The following ACOT7 variants were observed in gnomAD, a reference collection of about 807,000 sequenced individuals.
The protein encoded by ACOT7 is acyl-CoA thioesterase 7.
In ACOT7, 12 loss-of-function variants were observed where a neutral mutation model predicts 40.2. That is an observed-to-expected ratio of 0.30 (90% CI 0.19 to 0.48). The LOEUF (loss-of-function observed/expected upper bound fraction) is 0.48, where lower values mean the gene tolerates loss of function less well. ACOT7 is among the 20% of genes least tolerant of loss of function. The pLI is 0.99. For missense variants in ACOT7, 395 were observed against 530.8 expected, an observed-to-expected ratio of 0.74 and a Z score of 2.51; for synonymous variants, 228 against 219.5, an observed-to-expected ratio of 1.04 and a Z score of -0.34.
At chr1:6,328,866 G>T (rs1221611498) in intron 4 of ACOT7, among the ~76,000 whole-genome samples, 1 of 152,114 alleles carries the variant, frequency 6.6e-6, no homozygotes, top group Non-Finnish European at 1.5e-5. Context: ...GGGCCCTCGG[G>T]GCCTGTGTGC....
Position 6,379,471 on chromosome 1 carries a change from T to C in ACOT7, c.143+13786A>G, listed in dbSNP as rs1424172729. Among the ~76,000 whole-genome samples, 3 of 151,718 alleles carry C rather than the reference T, an allele frequency of 2.0e-5. No homozygotes were observed. In the East Asian group the frequency reaches 5.8e-4, roughly 29 times the overall value. On this transcript the variant is annotated intron_variant, in intron 1 of 8. Coordinates refer to ENST00000361521, the MANE Select transcript of ACOT7 (RefSeq NM_007274.4). ...AGAGCTAAAGCTATGTAACTTTTTT[T>C]TTTTGAGACAGGGTCTCACTCCGTC...
chr1:6,333,096 C>T (rs920671218), intron 4 of ACOT7, among the ~76,000 whole-genome samples: 2 of 152,202 alleles, frequency 1.3e-5, no homozygotes, highest in East Asian at 3.8e-4. Context: ...GTCACTATCA[C>T]GATCCTGTCA....
At position 6,281,123 on chromosome 1, in the gene ACOT7, C is replaced by T. The variant is rs761328381; in HGVS notation, c.993G>A (p.Ser331=). The change falls in exon 8 of 9, where the codon TCG becomes TCA. Residue 331 remains serine (S), a synonymous_variant. Coordinates refer to ENST00000361521, the MANE Select transcript of ACOT7 (RefSeq NM_007274.4). ...TYVSLSQEGR[S]LPVPQLVPET... is the part of the protein sequence containing the mutation. ...TCACCACCAGCTGGGGCACAGGCAG[C>T]GACCTGCCTTCCTGGCTCAGCGACA... 2.9e-5 allele frequency: 47 copies of T among 1,613,534 alleles called. No individual in the cohort carries two copies. In the Admixed American group the frequency reaches 4.8e-4, roughly 17 times the overall value.
chr1:6,267,615 C>T (rs1638890927), intron 8 of ACOT7, among the ~76,000 whole-genome samples: 1 of 152,242 alleles, frequency 6.6e-6, no homozygotes, highest in African/African-American at 2.4e-5. Flanking sequence ...ACAATGCACA[C>T]TGGGATGAAG....
intron 1 of ACOT7, among the ~76,000 whole-genome samples, chr1:6,363,970 G>T (rs1641947026): frequency 1.3e-5 from 2 of 152,188 alleles, no homozygotes; most frequent in South Asian, 4.1e-4. Flanking sequence ...CTACTCAGGG[G>T]GCTGAGGTGG....
intron 4 of ACOT7, 133 bp from the exon 5 acceptor site, chr1:6,327,546 T>C (rs959845918): frequency 4.3e-6 from 3 of 699,012 alleles, no homozygotes; most frequent in South Asian, 1.8e-5. Flanking sequence ...TGTGTTTTAA[T>C]ATAAGTAATA....
At chr1:6,372,981 A>G (rs757938522) in intron 1 of ACOT7, among the ~76,000 whole-genome samples, 4 of 152,128 alleles carry the variant, frequency 2.6e-5, no homozygotes, top group Non-Finnish European at 5.9e-5. Flanking sequence ...AAAGGGAGAG[A>G]GATGGGGAAA....
chr1:6,379,812 G>C (rs1239703514), intron 1 of ACOT7, among the ~76,000 whole-genome samples: 1 of 151,554 alleles, frequency 6.6e-6, no homozygotes, highest in African/African-American at 2.4e-5. Flanking sequence ...TATAATCCCA[G>C]CAATTTGAGA....
chr1:6,296,609 G>C (rs966561760), intron 6 of ACOT7, among the ~76,000 whole-genome samples: 1 of 152,106 alleles, frequency 6.6e-6, no homozygotes, highest in Non-Finnish European at 1.5e-5. Context: ...ATTTTTAGTA[G>C]AGACGGGGTT....
rs556845748 is a variant in ACOT7 at position 6,295,908 on chromosome 1, T to C, written c.713-928A>G. On this transcript the variant is annotated intron_variant, in intron 6 of 8. Transcript: ENST00000361521. ...AAAAAAAATCAACAACTTGTACACTTTATTTTTGTTTTTGAGACAGGGTCT... is the reference window on the plus strand; with the variant it reads ...AAAAAAAATCAACAACTTGTACACTCTATTTTTGTTTTTGAGACAGGGTCT... Among the ~76,000 whole-genome samples, 23 of 152,284 alleles carry C rather than the reference T, an allele frequency of 1.5e-4. No homozygotes were observed. In the South Asian group the frequency reaches 4.6e-3, roughly 30 times the overall value.
intron 6 of ACOT7, among the ~76,000 whole-genome samples, chr1:6,316,109 T>C (rs576114767): frequency 2.6e-5 from 4 of 152,264 alleles, no homozygotes; most frequent in African/African-American, 9.6e-5. Context: ...GTCTAACATG[T>C]CGACAAAGTA....
At chr1:6,372,401 CATG>C (rs1344286766) in intron 1 of ACOT7, among the ~76,000 whole-genome samples, 1 of 152,212 alleles carries the variant, frequency 6.6e-6, no homozygotes, top group African/African-American at 2.4e-5. Context: ...TCTTATCATT[CATG>C]TGTTCACTGG....
At chr1:6,276,152 C>T (rs375751108) in intron 8 of ACOT7, among the ~76,000 whole-genome samples, 1 of 152,188 alleles carries the variant, frequency 6.6e-6, no homozygotes, top group Non-Finnish European at 1.5e-5. Context: ...CCCCAACTCC[C>T]TGGGCCTGTA....
intron 7 of ACOT7, among the ~76,000 whole-genome samples, chr1:6,285,098 A>G (rs890279402): frequency 2.0e-5 from 3 of 152,176 alleles, no homozygotes; most frequent in African/African-American, 7.2e-5. Flanking sequence ...AAGTCCCACG[A>G]GGGCAGGGCT....
chr1:6,293,627 G>A (rs772833028), intron 7 of ACOT7, among the ~76,000 whole-genome samples: 5 of 152,234 alleles, frequency 3.3e-5, no homozygotes, highest in Non-Finnish European at 7.3e-5. Flanking sequence ...CTTGAGCACG[G>A]AAGTGCAAGG....
chr1:6,309,159 G>T (rs940781507), intron 6 of ACOT7, among the ~76,000 whole-genome samples: 1 of 152,224 alleles, frequency 6.6e-6, no homozygotes, highest in Non-Finnish European at 1.5e-5. Flanking sequence ...AGTCATCCCA[G>T]TTAAGGGGCT....
At position 6,264,348 on chromosome 1, in the gene ACOT7, G is replaced by A. The variant is rs1262668381; in HGVS notation, c.*249C>T. 2 of 498,872 alleles carry A rather than the reference G, an allele frequency of 4.0e-6. No homozygotes were observed. Among genetic ancestry groups the A allele is most frequent in the Non-Finnish European group, 7.0e-6 (2 of 284,882 alleles). The allele number at this position is 498,872 out of a possible 1,614,324, so 30.9% of individuals were successfully genotyped here. On this transcript the variant is annotated 3_prime_UTR_variant, in exon 9 of 9. Coordinates refer to ENST00000361521, the MANE Select transcript of ACOT7 (RefSeq NM_007274.4). Reference sequence around the variant, plus strand: ...CAGCGTGCTCGGAAGCATTCCCGAGGGTTTCTGCCCAACGCCTCCCGGCGC... The same window carrying A: ...CAGCGTGCTCGGAAGCATTCCCGAGAGTTTCTGCCCAACGCCTCCCGGCGC...
chr1:6,332,147 G>A (rs1316540346), intron 4 of ACOT7, among the ~76,000 whole-genome samples: 2 of 152,202 alleles, frequency 1.3e-5, no homozygotes, highest in Non-Finnish European at 2.9e-5. Context: ...CTGACAATCT[G>A]GTTCTCAGTT....
rs549779246 is a variant in ACOT7, at chr1:6,299,909, A to C, written c.713-4929T>G. Among the ~76,000 whole-genome samples the C allele has an allele frequency of 3.3e-4, 50 of 152,262 alleles. 1 individual carries two copies. In the South Asian group the frequency reaches 0.01, roughly 32 times the overall value. On this transcript the variant is annotated intron_variant, in intron 6 of 8. Transcript: ENST00000361521. The surrounding 1 kb of genome is among the most constrained non-coding windows in gnomAD (Gnocchi z 4.1). ...CTCTAAATACTGCCCTGGGCAGCCA[A>C]CAGAAGCTCTGTCAGCCTCCAATGG...
Sources: gnomAD v4.1 joint callset for allele counts (sites outside exome capture counted in the v4.1 genomes callset) on GRCh38, gnomAD v4.1.1 for gene constraint, Gnocchi (gnomAD v3.1) non-coding constraint, MANE v1.5 for transcripts, NCBI Gene and HGNC (gene_info 2026-07-23, HGNC 2026-07-21) for gene names.